PALD1: variants seen among roughly 807,000 people sequenced by gnomAD.
The protein encoded by PALD1 is paladin.
In PALD1, 57 loss-of-function variants were observed where a neutral mutation model predicts 96.0. The observed-to-expected ratio is 0.59, with a 90% CI of 0.48 to 0.74. The LOEUF (loss-of-function observed/expected upper bound fraction) is 0.74. Among genes scored for constraint, PALD1 ranks in the 30% least tolerant of loss-of-function variants. The pLI, the probability that PALD1 is intolerant of heterozygous loss-of-function variation, is 0.00. For missense variants in PALD1, 1,063 were observed against 1,143.7 expected (o/e 0.93, Z 1.02); for synonymous variants, 464 against 473.6 (o/e 0.98, Z 0.26).
At chr10:70,541,739 G>A (rs1262161590) in intron 17 of PALD1, among the ~76,000 whole-genome samples, 1 of 152,148 alleles carries the variant, frequency 6.6e-6, no homozygotes, top group African/African-American at 2.4e-5. Flanking sequence ...GCAGACGGCC[G>A]GCTATGGAGA....
chr10:70,464,139 T>G, the PALD1 span, among the ~76,000 whole-genome samples: 1 of 152,014 alleles, frequency 6.6e-6, no homozygotes. Context: ...ATGATTGTCA[T>G]AGGCTAATTT....
At chr10:70,522,555 T>C (rs139060227) in intron 1 of PALD1, among the ~76,000 whole-genome samples, 52 of 152,248 alleles carry the variant, frequency 3.4e-4, no homozygotes, top group African/African-American at 1.2e-3. Context: ...GGCTGTGAGC[T>C]CCGTGGGCAC....
chr10:70,538,236 G>C, intron 11 of PALD1, 44 bp from the exon 12 acceptor site: 1 of 1,594,904 alleles, frequency 6.3e-7, no homozygotes, highest in Non-Finnish European at 8.5e-7. Context: ...GTTCAGGATG[G>C]CCCTGTGCCC....
At chr10:70,466,099 C>A in the PALD1 span, among the ~76,000 whole-genome samples, 1 of 152,288 alleles carries the variant, frequency 6.6e-6, no homozygotes, top group South Asian at 2.1e-4. Flanking sequence ...GCTGGTCTTC[C>A]TGATTCAGAG....
At chr10:70,504,159 T>A (rs1304520915) in intron 1 of PALD1, among the ~76,000 whole-genome samples, 2 of 152,208 alleles carry the variant, frequency 1.3e-5, no homozygotes, top group Non-Finnish European at 2.9e-5. Context: ...AATTGACGAC[T>A]CTAAGAGCTT....
intron 1 of PALD1, among the ~76,000 whole-genome samples, chr10:70,488,310 G>A (rs1285105182): frequency 6.6e-6 from 1 of 151,946 alleles, no homozygotes; most frequent in African/African-American, 2.4e-5. Flanking sequence ...TAGTAGAGAC[G>A]GGGTTTTGCC....
At chr10:70,502,939 GGC>G (rs1846325735) in intron 1 of PALD1, among the ~76,000 whole-genome samples, 1 of 152,100 alleles carries the variant, frequency 6.6e-6, no homozygotes, top group Non-Finnish European at 1.5e-5. Context: ...GCAGTGCAGT[GGC>G]GTGATCTCGG....
intron 11 of PALD1, 105 bp downstream of exon 11, chr10:70,538,011 G>A (rs897432335): frequency 4.0e-5 from 36 of 903,214 alleles, no homozygotes; most frequent in African/African-American, 8.1e-5. Context: ...CCAAGGAACC[G>A]GGGAGGGAAG....
Position 70,539,624 on chromosome 10 carries a change from A to G in PALD1, c.1770A>G (p.Pro590=). 6.2e-7 allele frequency: 1 copy of G among 1,612,822 alleles called. No individual in the cohort carries two copies. The highest frequency in any genetic ancestry group is 8.5e-7 in the Non-Finnish European group (1 of 1,179,422). ...QLKAHLSEPP[P]GKEGPLTYRF... ...AGGCCCATCTAAGCGAGCCTCCCCC[A>G]GGCAAGGAGGGCCCCCTGACCTACA... The change falls in exon 15 of 20, where the codon CCA becomes CCG. Residue 590 remains proline, a synonymous_variant. Coordinates refer to ENST00000263563, the MANE Select transcript of PALD1 (RefSeq NM_014431.3). This position sits in a 1 kb window ranked among gnomAD's most constrained non-coding sequence, Gnocchi z 4.5.
intron 18 of PALD1, among the ~76,000 whole-genome samples, chr10:70,556,289 T>C (rs1476929680): frequency 6.2e-5 from 8 of 128,582 alleles, no homozygotes; most frequent in Non-Finnish European, 5.2e-5. Flanking sequence ...CCTCTCTCTC[T>C]CTCTCTCTCT....
At chr10:70,560,132 G>A (rs1465961923) in intron 18 of PALD1, among the ~76,000 whole-genome samples, 1 of 152,230 alleles carries the variant, frequency 6.6e-6, no homozygotes, top group Non-Finnish European at 1.5e-5. Flanking sequence ...GAAAGGTTCA[G>A]CCTGAGGGCA....
At chr10:70,501,834 T>TGTGTGTGTGTGTGTGTGC (rs774868338) in intron 1 of PALD1, among the ~76,000 whole-genome samples, 59 of 149,494 alleles carry the variant, frequency 3.9e-4, no homozygotes, top group South Asian at 1.9e-3. Flanking sequence ...TGTGTGTGTG[T>TGTGTGTGTGTGTGTGTGC]GCGTGCGTGC....
At chr10:70,512,574 T>A (rs1846534592) in intron 1 of PALD1, among the ~76,000 whole-genome samples, 1 of 152,250 alleles carries the variant, frequency 6.6e-6, no homozygotes, top group Non-Finnish European at 1.5e-5. Context: ...GTGGTCTGTG[T>A]CTGGGCTGCT....
At chr10:70,471,189 C>T in the PALD1 span, among the ~76,000 whole-genome samples, 1 of 152,144 alleles carries the variant, frequency 6.6e-6, no homozygotes, top group Admixed American at 6.5e-5. Flanking sequence ...GAACTCCTGA[C>T]CTCAGGTGAT....
At chr10:70,538,197 C>CA (rs1464198632) in intron 11 of PALD1, 83 bp from the exon 12 acceptor site, 1 of 1,457,626 alleles carries the variant, frequency 6.9e-7, no homozygotes, top group Non-Finnish European at 9.4e-7. Flanking sequence ...TCTTTTGGGG[C>CA]TTCCCCTGCC....
chr10:70,554,202 G>A (rs1251622612), intron 18 of PALD1, among the ~76,000 whole-genome samples: 1 of 152,238 alleles, frequency 6.6e-6, no homozygotes, highest in Non-Finnish European at 1.5e-5. Context: ...GCCAAGGTGG[G>A]AGGATCACCT....
chr10:70,561,590 G>T (rs993680513), intron 18 of PALD1, among the ~76,000 whole-genome samples: 7 of 152,122 alleles, frequency 4.6e-5, no homozygotes, highest in African/African-American at 1.7e-4. Flanking sequence ...CCTGCCCCCA[G>T]CGGCCCCAGC....
chr10:70,485,044 C>G (rs188966840), intron 1 of PALD1, among the ~76,000 whole-genome samples: 46 of 152,250 alleles, frequency 3.0e-4, no homozygotes, highest in Admixed American at 2.2e-3. Context: ...GTACAAAGAA[C>G]TGTCTTTTCA....
In PALD1 at chr10:70,481,149, C is replaced by T. The variant is rs534461132; in HGVS notation, c.-30+2090C>T. Among the ~76,000 whole-genome samples the T allele has an allele frequency of 3.3e-5, 5 of 152,318 alleles. No individual in the cohort carries two copies. In the East Asian group the frequency reaches 9.6e-4, roughly 29 times the overall value. ...AACCGACATTCCCAGACAAAAGACT[C>T]GGAGCCACAGGGAAGCCGCTCAAGT... On this transcript the variant is annotated intron_variant, in intron 1 of 19. Coordinates refer to ENST00000263563, the MANE Select transcript of PALD1 (RefSeq NM_014431.3).
Sources: allele counts gnomAD v4.1 joint callset (sites outside exome capture counted in the v4.1 genomes callset), GRCh38; gene constraint gnomAD v4.1.1; non-coding constraint Gnocchi (gnomAD v3.1); transcripts MANE v1.5; gene names NCBI Gene and HGNC (gene_info 2026-07-23, HGNC 2026-07-21).